Variants in SPAG16 observed in about 807,000 individuals in gnomAD.
SPAG16 encodes the protein sperm-associated antigen 16 protein.
A neutral mutation model predicts 80.4 loss-of-function variants in SPAG16; 86 were observed. That is an observed-to-expected ratio of 1.07 (90% CI 0.90 to 1.28). The LOEUF (loss-of-function observed/expected upper bound fraction) is 1.28. Ranked by LOEUF, SPAG16 falls within the 50% of genes most tolerant of loss-of-function variation. SPAG16 has a pLI of 0.00. For synonymous variants in SPAG16, 294 were observed against 265.9 expected, an observed-to-expected ratio of 1.11 and a Z score of -1.03; for missense variants, 870 against 765.3, an observed-to-expected ratio of 1.14 and a Z score of -1.61.
chr2:213,644,517 GA>G (rs1013363669), intron 10 of SPAG16, among the ~76,000 whole-genome samples: 2 of 152,312 alleles, frequency 1.3e-5, no homozygotes, highest in African/African-American at 4.8e-5. Flanking sequence ...TACTTGGAAG[GA>G]TTGGGTATTG....
At chr2:213,719,505 G>A (rs2066413875) in intron 10 of SPAG16, among the ~76,000 whole-genome samples, 1 of 152,184 alleles carries the variant, frequency 6.6e-6, no homozygotes, top group Admixed American at 6.5e-5. Context: ...ACACCAATCA[G>A]CACCCTGACA....
chr2:213,431,013 A>T (rs2070259850), intron 9 of SPAG16, among the ~76,000 whole-genome samples: 1 of 152,350 alleles, frequency 6.6e-6, no homozygotes, highest in East Asian at 1.9e-4. Context: ...AGTTTTTCTC[A>T]GACAAGCAAA....
At chr2:214,073,210 ATAT>A (rs1167536830) in intron 13 of SPAG16, among the ~76,000 whole-genome samples, 3 of 150,910 alleles carry the variant, frequency 2.0e-5, no homozygotes, top group Non-Finnish European at 4.4e-5. Flanking sequence ...AAACTAAAAA[ATAT>A]TATTGGTGGA....
chr2:213,474,510 T>G (rs1172737874), intron 9 of SPAG16, among the ~76,000 whole-genome samples: 1 of 152,176 alleles, frequency 6.6e-6, no homozygotes, highest in Non-Finnish European at 1.5e-5. Context: ...ATATATATAG[T>G]CACTTAACTC....
intron 9 of SPAG16, among the ~76,000 whole-genome samples, chr2:213,468,461 C>A (rs28864393): frequency 3.7e-4 from 42 of 115,020 alleles, no homozygotes; most frequent in African/African-American, 2.0e-3. Flanking sequence ...ATATATATAT[C>A]TCTATGTATT....
At chr2:213,959,942 G>A (rs2044331163) in intron 12 of SPAG16, among the ~76,000 whole-genome samples, 1 of 152,138 alleles carries the variant, frequency 6.6e-6, no homozygotes, top group South Asian at 2.1e-4. Context: ...ATCTCATGTG[G>A]AAAGTTTTCA....
intron 11 of SPAG16, among the ~76,000 whole-genome samples, chr2:213,889,688 TACATATATATAC>T (rs1417039982): frequency 6.8e-6 from 1 of 147,570 alleles, no homozygotes; most frequent in Non-Finnish European, 1.5e-5. Flanking sequence ...TATATACATA[TACATATATATAC>T]ACATATATAT....
At chr2:213,535,803 C>A (rs138332439) in intron 10 of SPAG16, among the ~76,000 whole-genome samples, 38 of 152,170 alleles carry the variant, frequency 2.5e-4, no homozygotes, top group Admixed American at 1.3e-3. Context: ...TAACTGTAAC[C>A]TTGACCACAT....
At chr2:213,468,532 T>TAG (rs1419582280) in intron 9 of SPAG16, among the ~76,000 whole-genome samples, 67 of 135,812 alleles carry the variant, frequency 4.9e-4, no homozygotes, top group South Asian at 1.1e-3. Flanking sequence ...TATTTATATA[T>TAG]AGATATATAT....
At chr2:213,911,803 T>C (rs1305044975) in intron 11 of SPAG16, among the ~76,000 whole-genome samples, 2 of 143,286 alleles carry the variant, frequency 1.4e-5, no homozygotes, top group Non-Finnish European at 1.5e-5. Context: ...CAGAGAACAA[T>C]TGAGTAGGTT....
chr2:213,308,107 A>C (rs1239683883), intron 3 of SPAG16, among the ~76,000 whole-genome samples: 1 of 152,136 alleles, frequency 6.6e-6, no homozygotes, highest in East Asian at 1.9e-4. Flanking sequence ...CAATGCGAAG[A>C]AAATGACAGC....
At chr2:214,042,805 A>G (rs1396620672) in intron 13 of SPAG16, among the ~76,000 whole-genome samples, 1 of 152,148 alleles carries the variant, frequency 6.6e-6, no homozygotes, top group Admixed American at 6.6e-5. Flanking sequence ...TACCCAAGCT[A>G]AAGTGCTCAG....
At chr2:214,234,468 T>C (rs556787278) in intron 15 of SPAG16, among the ~76,000 whole-genome samples, 3 of 152,186 alleles carry the variant, frequency 2.0e-5, no homozygotes, top group Non-Finnish European at 4.4e-5. Context: ...TACCACAATG[T>C]CTTCCACAAT....
chr2:213,899,722 C>G (rs773493430), intron 11 of SPAG16, among the ~76,000 whole-genome samples: 2 of 152,066 alleles, frequency 1.3e-5, no homozygotes, highest in Admixed American at 6.6e-5. Context: ...TCTTCCTCAT[C>G]CTAGGGCCTT....
chr2:214,081,119 A>G (rs999974988), intron 13 of SPAG16, among the ~76,000 whole-genome samples: 7 of 150,784 alleles, frequency 4.6e-5, no homozygotes, highest in Non-Finnish European at 7.4e-5. Flanking sequence ...TAAATATAAT[A>G]TATATTACAT....
At chr2:214,187,101 C>A (rs1025286938) in intron 15 of SPAG16, among the ~76,000 whole-genome samples, 2 of 152,070 alleles carry the variant, frequency 1.3e-5, no homozygotes, top group Non-Finnish European at 2.9e-5. Flanking sequence ...TAGAAGCTTT[C>A]AAAGTTTACA....
chr2:213,885,340 G>A (rs1448477516), intron 11 of SPAG16, among the ~76,000 whole-genome samples: 1 of 152,112 alleles, frequency 6.6e-6, no homozygotes, highest in East Asian at 1.9e-4. Context: ...ATATTTCCTA[G>A]TATTTGTAGC....
intron 10 of SPAG16, among the ~76,000 whole-genome samples, chr2:213,542,397 T>G (rs2076477622): frequency 1.3e-5 from 2 of 152,278 alleles, no homozygotes; most frequent in East Asian, 1.9e-4. Context: ...GATAAAAATT[T>G]GTCTAGTTCA....
intron 10 of SPAG16, among the ~76,000 whole-genome samples, chr2:213,700,388 A>T (rs2065352271): frequency 6.6e-6 from 1 of 152,172 alleles, no homozygotes; most frequent in Non-Finnish European, 1.5e-5. Flanking sequence ...TAAATTATTT[A>T]GGTGTTATTT....
Sources: gnomAD v4.1 joint callset for allele counts (sites outside exome capture counted in the v4.1 genomes callset) on GRCh38, gnomAD v4.1.1 for gene constraint, MANE v1.5 for transcripts, NCBI Gene and HGNC (gene_info 2026-07-23, HGNC 2026-07-21) for gene names.